The following NAA16 variants were observed in gnomAD, a reference collection of about 807,000 sequenced individuals.
The protein encoded by NAA16 is NARG1-like protein.
A neutral mutation model predicts 110.3 loss-of-function variants in NAA16; 97 were observed. The ratio of observed to expected loss-of-function variants is 0.88; its 90% CI spans 0.75 to 1.04. The LOEUF is 1.04. NAA16 is among the 50% of genes least tolerant of loss of function. The pLI, the probability that NAA16 is intolerant of heterozygous loss-of-function variation, is 0.00. For synonymous variants in NAA16, 372 were observed against 330.6 expected, an observed-to-expected ratio of 1.13 and a Z score of -1.36; for missense variants, 1,017 against 1,005.1, an observed-to-expected ratio of 1.01 and a Z score of -0.16.
intron 9 of NAA16, among the ~76,000 whole-genome samples, chr13:41,353,998 C>T (rs2042913132): frequency 6.6e-6 from 1 of 152,154 alleles, no homozygotes; most frequent in Non-Finnish European, 1.5e-5. Context: ...GTCATATTTT[C>T]ATTGAGTATG....
At chr13:41,368,639 A>G (rs914862157) in intron 14 of NAA16, among the ~76,000 whole-genome samples, 3 of 152,230 alleles carry the variant, frequency 2.0e-5, no homozygotes, top group Non-Finnish European at 4.4e-5. Context: ...TGTGGGTTCC[A>G]CATGGGTGGA....
At chr13:41,318,336 G>T (rs1012621843) in intron 2 of NAA16, among the ~76,000 whole-genome samples, 3 of 152,062 alleles carry the variant, frequency 2.0e-5, no homozygotes, top group Non-Finnish European at 4.4e-5. Context: ...CTTCCAAGTA[G>T]CTGGGATTAC....
At position 41,319,002 on chromosome 13, in the gene NAA16, T is replaced by C. The variant is rs894317088; in HGVS notation, c.244+92T>C. Reference sequence around the variant, plus strand: ...GTACTATGAAAATTCCAAACCTACGTAGAAGAGAGAATTTAATGAACTCTG... The same window carrying C: ...GTACTATGAAAATTCCAAACCTACGCAGAAGAGAGAATTTAATGAACTCTG... On this transcript the variant is annotated intron_variant, in intron 3 of 19. Transcript: ENST00000379406. The C allele has an allele frequency of 5.1e-6, 3 of 584,932 alleles. No homozygotes were observed. The African/African-American group carries it at 5.8e-5, about 11-fold the overall frequency. The allele number at this position is 584,932 out of a possible 1,614,324, so 36.2% of individuals were successfully genotyped here. A position where few individuals can be genotyped will look rare whatever the true frequency, so the allele number is the denominator to read the frequency against.
intron 5 of NAA16, among the ~76,000 whole-genome samples, chr13:41,324,170 T>C (rs2042023202): frequency 6.6e-6 from 1 of 152,144 alleles, no homozygotes; most frequent in Non-Finnish European, 1.5e-5. Context: ...CCACCGTCTT[T>C]ACTTAGGTTT....
chr13:41,365,986 T>G (rs564387573), intron 13 of NAA16, among the ~76,000 whole-genome samples: 1 of 152,334 alleles, frequency 6.6e-6, no homozygotes, highest in Non-Finnish European at 1.5e-5. Flanking sequence ...CTTAGTTAAC[T>G]GTATTGAATT....
intron 12 of NAA16, 28 bp downstream of exon 12, chr13:41,358,990 A>ATTGTCTAAATTAAGACAGTTTGTGAAGT (rs751819496): frequency 2.6e-6 from 4 of 1,553,546 alleles, no homozygotes; most frequent in Non-Finnish European, 3.5e-6. Flanking sequence ...TGAGCATGTA[A>ATTGTCTAAATTAAGACAGTTTGTGAAGT]TTGTCTAAAT....
intron 9 of NAA16, among the ~76,000 whole-genome samples, chr13:41,349,430 C>G (rs1260495501): frequency 2.0e-5 from 3 of 151,734 alleles, no homozygotes; most frequent in Non-Finnish European, 4.4e-5. Flanking sequence ...GATCCTCTCA[C>G]TTAGGCATCC....
intron 9 of NAA16, among the ~76,000 whole-genome samples, chr13:41,351,509 T>G (rs553735071): frequency 6.6e-6 from 1 of 152,280 alleles, no homozygotes; most frequent in South Asian, 2.1e-4. Context: ...ATTTGTCTCT[T>G]CATTGCGAAA....
chr13:41,359,004 GAC>G (rs2043055462), intron 12 of NAA16, 42 bp downstream of exon 12: 1 of 1,497,540 alleles, frequency 6.7e-7, no homozygotes, highest in Non-Finnish European at 9.0e-7. Flanking sequence ...TCTAAATTAA[GAC>G]AGTTTGTGAA....
intron 13 of NAA16, 57 bp from the exon 14 acceptor site, chr13:41,367,382 A>T: frequency 8.0e-7 from 1 of 1,257,106 alleles, no homozygotes; most frequent in Non-Finnish European, 1.1e-6. Context: ...TTTTTTTCTA[A>T]AGGTAGACAT....
Position 41,325,731 on chromosome 13 carries a change from G to T in NAA16, c.571G>T (p.Glu191Ter), listed in dbSNP as rs2042076023. The T allele has an allele frequency of 6.3e-7, 1 of 1,593,200 alleles. No individual in the cohort carries two copies. The highest frequency in any genetic ancestry group is 1.3e-5 in the African/African-American group (1 of 74,296). ...AAACAAAATAGATTATGAATATAGT[G>T]AATTGATATTATACCAGAATCAAGT... is the stretch of plus-strand genomic sequence containing the variant. Reference protein sequence around the residue: ...PPNKIDYEYSELILYQNQVMR... With the variant: ...PPNKIDYEYS The change falls in exon 6 of 20, where the codon GAA becomes TAA. Residue 191 changes from glutamate (E) to a stop codon, truncating the protein, a stop_gained. Transcript: ENST00000379406. LOFTEE classifies it high-confidence loss of function.
At chr13:41,336,001 C>A (rs2042371658) in intron 8 of NAA16, among the ~76,000 whole-genome samples, 1 of 151,780 alleles carries the variant, frequency 6.6e-6, no homozygotes, top group African/African-American at 2.4e-5. Flanking sequence ...TGACAAAAAT[C>A]ATTTCTGGGG....
intron 18 of NAA16, chr13:41,374,389 G>T (rs1183709869): frequency 6.1e-6 from 1 of 163,676 alleles, no homozygotes; most frequent in East Asian, 1.7e-4. Context: ...ACTGATTGAT[G>T]CCACAGGGCA....
Position 41,318,951 on chromosome 13 carries a change from G to A in NAA16, c.244+41G>A, listed in dbSNP as rs571989071. 3.9e-6 allele frequency: 5 copies of A among 1,296,234 alleles called. No individual in the cohort carries two copies. In the South Asian group the frequency reaches 5.8e-5, roughly 15 times the overall value. The allele number at this position is 1,296,234 out of a possible 1,614,324, so 80.3% of individuals were successfully genotyped here. On this transcript the variant is annotated intron_variant, in intron 3 of 19. Coordinates refer to ENST00000379406, the MANE Select transcript of NAA16 (RefSeq NM_024561.5). ...AGTTAAATAGTTTATGTTTTAGCTAGTTTTTTCCTAATTCAAATTAAATTT... is the reference window on the plus strand; with the variant it reads ...AGTTAAATAGTTTATGTTTTAGCTAATTTTTTCCTAATTCAAATTAAATTT...
At chr13:41,327,801 A>G (rs548676670) in intron 6 of NAA16, 15 of 151,434 alleles carry the variant, frequency 9.9e-5, no homozygotes, top group Non-Finnish European at 1.9e-4. Flanking sequence ...TGCTGTCACA[A>G]AGGCACTTTC....
At chr13:41,355,419 CGGTTTTTTTGTTTGTTTGTTTGT>C in intron 10 of NAA16, among the ~76,000 whole-genome samples, 1 of 151,946 alleles carries the variant, frequency 6.6e-6, no homozygotes, top group East Asian at 1.9e-4. Context: ...TAACCTTGTG[CGGTTTTTTTGTTTGTTTGTTTGT>C]TTTTTGAGAC....
chr13:41,354,152 G>A (rs537663229), intron 9 of NAA16, among the ~76,000 whole-genome samples: 1 of 152,126 alleles, frequency 6.6e-6, no homozygotes, highest in Admixed American at 6.5e-5. Flanking sequence ...AACTTTACTA[G>A]AGATCCTGCC....
At chr13:41,320,265 C>A (rs2139377204) in intron 3 of NAA16, among the ~76,000 whole-genome samples, 1 of 152,240 alleles carries the variant, frequency 6.6e-6, no homozygotes, top group African/African-American at 2.4e-5. Flanking sequence ...TGTATATATT[C>A]TGTTTCAAGA....
chr13:41,373,446 C>T (rs1386175950), intron 17 of NAA16, 191 bp from the exon 18 acceptor site: 13 of 346,362 alleles, frequency 3.8e-5, no homozygotes, highest in South Asian at 1.2e-4. Context: ...TTAGTAGAGA[C>T]GGGGTTTCAC....
Sources: allele counts gnomAD v4.1 joint callset (sites outside exome capture counted in the v4.1 genomes callset), GRCh38; gene constraint gnomAD v4.1.1; transcripts MANE v1.5; gene names NCBI Gene and HGNC (gene_info 2026-07-23, HGNC 2026-07-21).